Variants in AKAP6 observed in about 807,000 individuals in gnomAD.
AKAP6 encodes A-kinase anchoring protein 6, also known as A-kinase anchor protein 6.
Under a neutral mutation model 188.5 loss-of-function variants are expected in AKAP6, and 58 were observed. The ratio of observed to expected loss-of-function variants is 0.31; its 90% CI spans 0.25 to 0.38. AKAP6 has a LOEUF of 0.38. Among genes scored for constraint, AKAP6 ranks in the 10% least tolerant of loss-of-function variants. AKAP6 has a pLI of 1.00. For synonymous variants in AKAP6, 989 were observed against 998.6 expected (o/e 0.99, Z 0.18); for missense variants, 2,710 against 2,740.0 (o/e 0.99, Z 0.24).
rs145946919 is a variant in AKAP6, at chr14:32,574,849, G to C, written c.2347-2271G>C. On this transcript the variant is annotated intron_variant, in intron 4 of 13. Coordinates refer to ENST00000280979, the MANE Select transcript of AKAP6 (RefSeq NM_004274.5). ...TCCACAGATGACAGACAATACTTCT[G>C]TAAGTCCATCTGGTCAGCAAAGGGT... 1.7e-4 allele frequency among the ~76,000 whole-genome samples: 26 copies of C among 152,276 alleles called. No individual in the cohort carries two copies. The East Asian group carries it at 4.6e-3, about 27-fold the overall frequency.
At chr14:32,604,993 G>A (rs1225746869) in intron 7 of AKAP6, among the ~76,000 whole-genome samples, 1 of 152,068 alleles carries the variant, frequency 6.6e-6, no homozygotes, top group Admixed American at 6.5e-5. Context: ...CTCACTGACA[G>A]GCCCCAGTGT....
intron 4 of AKAP6, among the ~76,000 whole-genome samples, chr14:32,574,019 G>T (rs1291363044): frequency 6.6e-6 from 1 of 152,122 alleles, no homozygotes; most frequent in African/African-American, 2.4e-5. Flanking sequence ...TGTGATAAAG[G>T]TATCATGAAT....
intron 2 of AKAP6, among the ~76,000 whole-genome samples, chr14:32,483,471 T>C (rs1879474076): frequency 6.6e-6 from 1 of 152,110 alleles, no homozygotes; most frequent in Non-Finnish European, 1.5e-5. Context: ...TTTTGTGTCT[T>C]TTTTAAAAAA....
intron 2 of AKAP6, among the ~76,000 whole-genome samples, chr14:32,504,427 T>C (rs1244413236): frequency 2.6e-5 from 4 of 152,002 alleles, no homozygotes; most frequent in Non-Finnish European, 5.9e-5. Flanking sequence ...ACTACAGGTG[T>C]GTGCCACCAC....
At chr14:32,467,482 A>G (rs981762039) in intron 2 of AKAP6, among the ~76,000 whole-genome samples, 2 of 152,170 alleles carry the variant, frequency 1.3e-5, no homozygotes, top group Admixed American at 6.6e-5. Context: ...ACTACCATTT[A>G]TATAAAGATT....
chr14:32,449,307 A>C (rs920885733), intron 2 of AKAP6, among the ~76,000 whole-genome samples: 16 of 152,134 alleles, frequency 1.1e-4, no homozygotes, highest in African/African-American at 3.9e-4. Context: ...CAGGAGTTTG[A>C]GACCAGCCTT....
At position 32,821,832 on chromosome 14, in the gene AKAP6, T is replaced by C. The variant is rs756860368; in HGVS notation, c.4019T>C (p.Leu1340Pro). The C allele has an allele frequency of 5.6e-6, 9 of 1,613,918 alleles. No individual in the cohort carries two copies. The highest frequency in any genetic ancestry group is 6.8e-6 in the Non-Finnish European group (8 of 1,179,960). The change falls in exon 13 of 14, where the codon CTA becomes CCA. Residue 1340 changes from leucine to proline, a missense_variant. Physicochemically the swap from Leu to Pro is moderately conservative, Grantham distance 98 (BLOSUM62 -3). This residue lies in a region of AKAP6 where 2,473 missense variants were observed against 2,426.1 expected (regional missense o/e 1.02). Coordinates refer to ENST00000280979, the MANE Select transcript of AKAP6 (RefSeq NM_004274.5). ...FSSTKSLPDL[L>P]GGSNLVKPCA... ...TCTACCAAATCTTTGCCAGATCTTC[T>C]AGGTGGTTCCAATTTGGTAAAGCCC... is the stretch of plus-strand genomic sequence containing the variant.
chr14:32,563,164 A>G (rs777731120), intron 4 of AKAP6, among the ~76,000 whole-genome samples: 3 of 152,176 alleles, frequency 2.0e-5, no homozygotes, highest in Non-Finnish European at 2.9e-5. Context: ...GGGGGAATGC[A>G]TATTAATGGG....
chr14:32,477,001 A>G (rs568352282), intron 2 of AKAP6, among the ~76,000 whole-genome samples: 1 of 152,310 alleles, frequency 6.6e-6, no homozygotes, highest in African/African-American at 2.4e-5. Flanking sequence ...GCAATTGGTT[A>G]AGGAGATGAA....
intron 7 of AKAP6, among the ~76,000 whole-genome samples, chr14:32,620,334 G>A (rs1016126964): frequency 3.9e-5 from 6 of 152,046 alleles, no homozygotes; most frequent in Admixed American, 3.3e-4. Flanking sequence ...TCTGCGACAT[G>A]TTCCTTCTAT....
At chr14:32,741,846 G>A (rs1046140976) in intron 11 of AKAP6, among the ~76,000 whole-genome samples, 15 of 55,136 alleles carry the variant, frequency 2.7e-4, no homozygotes, top group Non-Finnish European at 4.4e-4. Flanking sequence ...TTTTTTTTTA[G>A]TGCGTCTCTG....
At chr14:32,353,305 G>A (rs565464026) in intron 1 of AKAP6, among the ~76,000 whole-genome samples, 40 of 152,336 alleles carry the variant, frequency 2.6e-4, no homozygotes, top group Middle Eastern at 3.4e-3. Flanking sequence ...GCTCACGCCT[G>A]TAATCCCAGC....
At chr14:32,346,081 T>C (rs2138428230) in intron 1 of AKAP6, among the ~76,000 whole-genome samples, 1 of 152,232 alleles carries the variant, frequency 6.6e-6, no homozygotes, top group East Asian at 1.9e-4. Flanking sequence ...TTGCCTTGCA[T>C]CCCCCTTTAT....
At chr14:32,623,442 C>A (rs1886892636) in intron 7 of AKAP6, among the ~76,000 whole-genome samples, 1 of 152,112 alleles carries the variant, frequency 6.6e-6, no homozygotes, top group Admixed American at 6.6e-5. Flanking sequence ...TATCCCTTTT[C>A]ACTTCCCACA....
intron 1 of AKAP6, among the ~76,000 whole-genome samples, chr14:32,419,972 C>T (rs1344308932): frequency 1.3e-5 from 2 of 152,130 alleles, no homozygotes; most frequent in Non-Finnish European, 2.9e-5. Flanking sequence ...TGCACTCTAT[C>T]TCCTTATCCT....
intron 2 of AKAP6, among the ~76,000 whole-genome samples, chr14:32,483,309 A>G (rs1225411073): frequency 6.6e-6 from 1 of 151,984 alleles, no homozygotes; most frequent in Non-Finnish European, 1.5e-5. Context: ...AACTTTGTCC[A>G]GTCTTTTTGA....
intron 2 of AKAP6, among the ~76,000 whole-genome samples, chr14:32,437,742 G>C (rs1890433828): frequency 6.6e-6 from 1 of 152,032 alleles, no homozygotes; most frequent in African/African-American, 2.4e-5. Flanking sequence ...GACTACAAGT[G>C]CATGCCACTA....
At chr14:32,579,438 C>A (rs1024767698) in intron 5 of AKAP6, among the ~76,000 whole-genome samples, 1 of 152,064 alleles carries the variant, frequency 6.6e-6, no homozygotes, top group Non-Finnish European at 1.5e-5. Flanking sequence ...TTCTACTTTG[C>A]AAATAGTGAG....
chr14:32,824,215 C>G lies in AKAP6; in HGVS notation c.6402C>G (p.Ser2134Arg). The G allele has an allele frequency of 6.2e-7, 1 of 1,613,966 alleles. No individual in the cohort carries two copies. The highest frequency in any genetic ancestry group is 8.5e-7 in the Non-Finnish European group (1 of 1,179,944). Residue 2134 changes from serine (S) to arginine (R), a missense_variant, in exon 13 of 14, where the codon AGC (serine) becomes AGG (arginine). Coordinates refer to ENST00000280979, the MANE Select transcript of AKAP6 (RefSeq NM_004274.5). ...EVTNYIEEKS[S>R]TPLPLDTTDS... ...CCAATTACATAGAAGAGAAAAGCAG[C>G]ACTCCATTGCCACTAGACACCACTG...
Sources: allele counts gnomAD v4.1 joint callset (sites outside exome capture counted in the v4.1 genomes callset), GRCh38; gene constraint gnomAD v4.1.1; regional missense constraint gnomAD v4.1.1; transcripts MANE v1.5; gene names NCBI Gene and HGNC (gene_info 2026-07-23, HGNC 2026-07-21).